Variants in SLC36A1 observed in about 807,000 individuals in gnomAD.
SLC36A1 encodes proton-coupled amino acid transporter 1.
Under a neutral mutation model 47.5 loss-of-function variants are expected in SLC36A1, and 30 were observed. That is an observed-to-expected ratio of 0.63 (90% CI 0.47 to 0.86). The LOEUF (loss-of-function observed/expected upper bound fraction) is 0.86, where lower values mean the gene tolerates loss of function less well. SLC36A1 is among the 40% of genes least tolerant of loss of function. The pLI is 0.00. For missense variants in SLC36A1, 517 were observed against 606.0 expected, an observed-to-expected ratio of 0.85 and a Z score of 1.54; for synonymous variants, 255 against 249.7, an observed-to-expected ratio of 1.02 and a Z score of -0.20.
the SLC36A1 span, among the ~76,000 whole-genome samples, chr5:151,522,371 C>T: frequency 6.6e-6 from 1 of 152,222 alleles, no homozygotes; most frequent in Non-Finnish European, 1.5e-5. Context: ...GAGCCTCTTC[C>T]TAAATCTCTC....
chr5:151,349,998 T>C, the SLC36A1 span, among the ~76,000 whole-genome samples: 1 of 152,116 alleles, frequency 6.6e-6, no homozygotes, highest in East Asian at 1.9e-4. Context: ...CTGGGAAATA[T>C]TTGCCTGAGG....
chr5:151,451,945 A>T (rs1198901151), intron 1 of SLC36A1, among the ~76,000 whole-genome samples: 2 of 152,080 alleles, frequency 1.3e-5, no homozygotes, highest in East Asian at 3.9e-4. Context: ...CAAATCTTTG[A>T]TTTGACTCAT....
chr5:151,372,381 C>T, the SLC36A1 span, among the ~76,000 whole-genome samples: 4 of 151,314 alleles, frequency 2.6e-5, no homozygotes, highest in African/African-American at 9.7e-5. Context: ...GGAAATCATA[C>T]AAAATAGTGA....
At chr5:151,380,875 G>A in the SLC36A1 span, 1 of 432,838 alleles carries the variant, frequency 2.3e-6, no homozygotes, top group Non-Finnish European at 4.6e-6. Flanking sequence ...CAAGGGATGT[G>A]AAGAAAGTCC....
the SLC36A1 span, chr5:151,540,812 T>C: frequency 2.6e-6 from 4 of 1,532,280 alleles, no homozygotes; most frequent in Non-Finnish European, 2.7e-6. Context: ...AGGAATGAAC[T>C]AGGCTTTGTG....
the SLC36A1 span, among the ~76,000 whole-genome samples, chr5:151,346,504 A>G: frequency 1.3e-5 from 2 of 152,112 alleles, no homozygotes; most frequent in Admixed American, 1.3e-4. Flanking sequence ...GAAGGAGCAG[A>G]GAAACCACTT....
chr5:151,495,498 G>T (rs1190619181), downstream of SLC36A1, among the ~76,000 whole-genome samples: 1 of 152,120 alleles, frequency 6.6e-6, no homozygotes, highest in African/African-American at 2.4e-5. Flanking sequence ...CCATAGAGCT[G>T]ATTCAGATTT....
intron 4 of SLC36A1, 109 bp downstream of exon 4, chr5:151,464,711 C>G (rs1333913360): frequency 6.7e-6 from 6 of 895,600 alleles, no homozygotes; most frequent in South Asian, 5.6e-5. Context: ...TTTACACTGG[C>G]TGGAGGTAGC....
the SLC36A1 span, chr5:151,554,694 G>A: frequency 1.3e-6 from 2 of 1,585,024 alleles, no homozygotes; most frequent in Non-Finnish European, 1.7e-6. Context: ...AATTGAGCAT[G>A]AGCACCTGAG....
chr5:151,514,356 G>T, the SLC36A1 span, among the ~76,000 whole-genome samples: 4 of 152,000 alleles, frequency 2.6e-5, no homozygotes, highest in African/African-American at 9.7e-5. Context: ...TAATGTCCTC[G>T]TTCCTCTCCT....
At chr5:151,506,214 G>C in the SLC36A1 span, 1 of 1,079,744 alleles carries the variant, frequency 9.3e-7, no homozygotes, top group Non-Finnish European at 1.3e-6. Context: ...GTGGGCATAG[G>C]CCCATCTGTG....
intron 8 of SLC36A1, among the ~76,000 whole-genome samples, chr5:151,474,166 A>AAAAAAAG: frequency 7.6e-6 from 1 of 130,722 alleles, no homozygotes. Flanking sequence ...TCTCAAAAAA[A>AAAAAAAG]AAAAAAAAAA....
At chr5:151,345,325 A>G in the SLC36A1 span, among the ~76,000 whole-genome samples, 2 of 152,308 alleles carry the variant, frequency 1.3e-5, no homozygotes, top group South Asian at 2.1e-4. Context: ...TTGACAAACC[A>G]GGGATTAAAC....
the SLC36A1 span, chr5:151,510,312 C>G: frequency 1.0e-6 from 1 of 986,034 alleles, no homozygotes; most frequent in Non-Finnish European, 1.5e-6. Flanking sequence ...TGCCCAATAC[C>G]GTGCTGGGCA....
At chr5:151,536,342 G>T in the SLC36A1 span, among the ~76,000 whole-genome samples, 1 of 152,148 alleles carries the variant, frequency 6.6e-6, no homozygotes, top group Non-Finnish European at 1.5e-5. Context: ...GGTTAGGAAG[G>T]ACAGCATTGT....
chr5:151,386,528 A>C, the SLC36A1 span, among the ~76,000 whole-genome samples: 75,209 of 151,642 alleles, frequency 0.5, 20,653 homozygotes, highest in African/African-American at 0.75. Context: ...TTTAACACTC[A>C]TCAATTCCCC....
chr5:151,497,625 C>T, the SLC36A1 span, among the ~76,000 whole-genome samples: 1 of 152,134 alleles, frequency 6.6e-6, no homozygotes, highest in Non-Finnish European at 1.5e-5. Context: ...TCCGGCTGCT[C>T]TGGTGCTACA....
At chr5:151,547,065 C>A in the SLC36A1 span, among the ~76,000 whole-genome samples, 10 of 152,030 alleles carry the variant, frequency 6.6e-5, no homozygotes, top group South Asian at 2.1e-3. Context: ...TTGATGTTTT[C>A]CTTTAAATTA....
chr5:151,453,047 GA>G (rs1753898528), intron 1 of SLC36A1, among the ~76,000 whole-genome samples: 1 of 150,442 alleles, frequency 6.6e-6, no homozygotes, highest in East Asian at 2.0e-4. Context: ...ACTAAAAATA[GA>G]AAAAAATTAG....
Sources: gnomAD v4.1 joint callset for allele counts (sites outside exome capture counted in the v4.1 genomes callset) on GRCh38, gnomAD v4.1.1 for gene constraint, MANE v1.5 for transcripts, NCBI Gene and HGNC (gene_info 2026-07-23, HGNC 2026-07-21) for gene names.